CMIP: variants seen among roughly 807,000 people sequenced by gnomAD.
The protein encoded by CMIP is C-Maf-inducing protein.
CMIP carries 13 observed loss-of-function variants against 97.3 expected under a neutral mutation model. The ratio of observed to expected loss-of-function variants is 0.13; its 90% CI spans 0.09 to 0.21. CMIP has a LOEUF of 0.21. CMIP is among the 10% of genes least tolerant of loss of function. The pLI, the probability that CMIP is intolerant of heterozygous loss-of-function variation, is 1.00. For missense variants in CMIP, 847 were observed against 1,024.9 expected (o/e 0.83, Z 2.37); for synonymous variants, 538 against 436.3 (o/e 1.23, Z -2.91).
Position 81,477,234 on chromosome 16 carries a change from C to T in CMIP, c.300+31693C>T, listed in dbSNP as rs529498270. On this transcript the variant is annotated intron_variant, in intron 1 of 20. Transcript: ENST00000537098. ...GCAGTGGTGTGGTCTCGGCTCACTG[C>T]AACCTCAGCCTCCTGGGTTCAAGTA... is the stretch of plus-strand genomic sequence containing the variant. Among the ~76,000 whole-genome samples, 3 of 152,188 alleles carry T rather than the reference C, an allele frequency of 2.0e-5. No homozygotes were observed. The South Asian group carries it at 6.2e-4, about 32-fold the overall frequency.
At chr16:81,558,180 A>G (rs1305450216) in intron 1 of CMIP, among the ~76,000 whole-genome samples, 1 of 152,092 alleles carries the variant, frequency 6.6e-6, no homozygotes, top group Admixed American at 6.5e-5. Context: ...ATGCTTCTCC[A>G]TCCGTCCGTC....
chr16:81,473,295 G>A (rs377759832), intron 1 of CMIP, among the ~76,000 whole-genome samples: 1 of 152,290 alleles, frequency 6.6e-6, no homozygotes, highest in East Asian at 1.9e-4. Context: ...TCCTCATGAG[G>A]GAATGACACA....
intron 6 of CMIP, among the ~76,000 whole-genome samples, chr16:81,663,502 C>T (rs2092569740): frequency 6.6e-6 from 1 of 152,126 alleles, no homozygotes; most frequent in Non-Finnish European, 1.5e-5. Context: ...ATTGGCTGAG[C>T]ACAGAGGATT....
chr16:81,566,698 C>G (rs1441539802), intron 1 of CMIP, among the ~76,000 whole-genome samples: 1 of 152,146 alleles, frequency 6.6e-6, no homozygotes, highest in Non-Finnish European at 1.5e-5. Context: ...CAGACATAAA[C>G]AAGAATATTC....
chr16:81,648,204 C>T (rs997202758), intron 3 of CMIP, among the ~76,000 whole-genome samples: 22 of 151,724 alleles, frequency 1.5e-4, no homozygotes, highest in African/African-American at 4.9e-4. Context: ...GTGGCCCTCA[C>T]TGATGTGATG....
Position 81,705,594 on chromosome 16 carries a change from G to A in CMIP, c.2187G>A (p.Leu729=), listed in dbSNP as rs1908040932. ...CCCCGGTCACAGACGCTGGCCTGCT[G>A]GCCCTGAGCTGTGAGTGCCTCCGGG... The part of the protein sequence containing the change: ...CETPVTDAGL[L]ALSSMKSLCS... Residue 729 remains leucine (L), a synonymous_variant, in exon 19 of 21, where the codon CTG becomes CTA. Coordinates refer to ENST00000537098, the MANE Select transcript of CMIP (RefSeq NM_198390.3). 1 of 1,600,730 alleles carries A rather than the reference G, an allele frequency of 6.2e-7. No individual in the cohort carries two copies. Among genetic ancestry groups the A allele is most frequent in the South Asian group, 1.1e-5 (1 of 88,952 alleles).
At chr16:81,508,364 C>A (rs575358852) in intron 1 of CMIP, among the ~76,000 whole-genome samples, 1 of 152,138 alleles carries the variant, frequency 6.6e-6, no homozygotes, top group Non-Finnish European at 1.5e-5. Context: ...TTTGTTTAAA[C>A]GAATGATAGA....
chr16:81,641,413 A>G (rs2092305551), intron 3 of CMIP, among the ~76,000 whole-genome samples: 1 of 152,048 alleles, frequency 6.6e-6, no homozygotes, highest in South Asian at 2.1e-4. Context: ...AAACAGCTAC[A>G]TACAATTTTT....
chr16:81,462,432 A>G (rs1045683111), intron 1 of CMIP, among the ~76,000 whole-genome samples: 5 of 152,178 alleles, frequency 3.3e-5, no homozygotes, highest in African/African-American at 1.2e-4. Context: ...AGGGCAATAA[A>G]CCAGGCTAGG....
At chr16:81,474,867 C>T (rs946518582) in intron 1 of CMIP, among the ~76,000 whole-genome samples, 20 of 150,048 alleles carry the variant, frequency 1.3e-4, no homozygotes, top group South Asian at 2.2e-4. Context: ...GGGGGGCGGG[C>T]GGGGAGGGAG....
chr16:81,612,813 C>A (rs572897191), intron 2 of CMIP, among the ~76,000 whole-genome samples: 4 of 152,052 alleles, frequency 2.6e-5, no homozygotes, highest in Admixed American at 2.0e-4. Context: ...AATGGATTCT[C>A]CTCTGAGTGA....
chr16:81,593,392 G>A (rs60095351), intron 1 of CMIP, among the ~76,000 whole-genome samples: 7,046 of 152,042 alleles, frequency 0.046, 538 homozygotes, highest in African/African-American at 0.16. Flanking sequence ...AGGGCGGGGG[G>A]AGTTTCTGCT....
chr16:81,506,719 C>G (rs1490100501), intron 1 of CMIP, among the ~76,000 whole-genome samples: 2 of 152,176 alleles, frequency 1.3e-5, no homozygotes, highest in Non-Finnish European at 2.9e-5. Context: ...TCGAGACCAG[C>G]CTGGCCACAC....
chr16:81,693,160 C>G lies in CMIP; in HGVS notation c.1457C>G (p.Ala486Gly), dbSNP rs1263021424. ...LLQPIPFPKE[A>G]LAHEKFTKEL... ...GTTTTCCCCTGTTTTTGTTGCAGAG[C>G]TCTCGCACATGAGAAGTTCACCAAG... Residue 486 changes from alanine to glycine, a missense_variant and splice_region_variant, in exon 12 of 21, where the codon GCT becomes GGT. Transcript: ENST00000537098. 2.3e-5 allele frequency: 37 copies of G among 1,612,786 alleles called. No homozygotes were observed. The highest frequency in any genetic ancestry group is 2.8e-5 in the Non-Finnish European group (33 of 1,179,010).
At chr16:81,672,980 A>G (rs951940749) in intron 9 of CMIP, among the ~76,000 whole-genome samples, 1 of 152,208 alleles carries the variant, frequency 6.6e-6, no homozygotes, top group South Asian at 2.1e-4. Context: ...CCAGGAAGAG[A>G]TCATGTACAA....
In CMIP at chr16:81,593,371, T is replaced by TG. The variant is rs1271470979; in HGVS notation, c.301-14190dup. On this transcript the variant is annotated intron_variant, in intron 1 of 20. Transcript: ENST00000537098. ...GCGAGAGGTGGTGTTGTGCCTAGCC[T>TG]GGGGGGTTGGAGGGCGGGGGGAGTT... 4.2e-5 allele frequency among the ~76,000 whole-genome samples: 6 copies of TG among 143,712 alleles called. No homozygotes were observed. The South Asian group carries it at 1.2e-3, about 28-fold the overall frequency. 94.3% of individuals were successfully genotyped at this position (143,712 alleles called of 152,430 possible).
At chr16:81,516,123 C>T (rs913360764) in intron 1 of CMIP, among the ~76,000 whole-genome samples, 1 of 152,124 alleles carries the variant, frequency 6.6e-6, no homozygotes, top group Non-Finnish European at 1.5e-5. Flanking sequence ...GTACCCAGTG[C>T]CCTGCGTTGG....
chr16:81,685,636 C>A (rs1905297967), intron 10 of CMIP, among the ~76,000 whole-genome samples: 1 of 151,920 alleles, frequency 6.6e-6, no homozygotes, highest in Non-Finnish European at 1.5e-5. Flanking sequence ...CCTCGAACTG[C>A]CAGGCTCAAA....
chr16:81,558,346 G>A (rs1446004329), intron 1 of CMIP, among the ~76,000 whole-genome samples: 1 of 152,194 alleles, frequency 6.6e-6, no homozygotes, highest in African/African-American at 2.4e-5. Context: ...TAGGTTTACA[G>A]GTATCACACA....
Sources: allele counts gnomAD v4.1 joint callset (sites outside exome capture counted in the v4.1 genomes callset), GRCh38; gene constraint gnomAD v4.1.1; transcripts MANE v1.5; gene names NCBI Gene and HGNC (gene_info 2026-07-23, HGNC 2026-07-21).